Variants in CUX1 observed in about 807,000 individuals in gnomAD.
The protein encoded by CUX1 is protein CASP.
CUX1 carries 31 observed loss-of-function variants against 158.8 expected under a neutral mutation model. That is an observed-to-expected ratio of 0.20 (90% CI 0.15 to 0.26). The LOEUF (loss-of-function observed/expected upper bound fraction) is 0.26, where lower values mean the gene tolerates loss of function less well. Among genes scored for constraint, CUX1 ranks in the 10% least tolerant of loss-of-function variants. The pLI, the probability that CUX1 is intolerant of heterozygous loss-of-function variation, is 1.00. For synonymous variants in CUX1, 879 were observed against 862.1 expected (o/e 1.02, Z -0.34); for missense variants, 1,589 against 2,014.6 (o/e 0.79, Z 4.04).
At chr7:101,957,784 A>G (rs1809952011) in intron 2 of CUX1, among the ~76,000 whole-genome samples, 1 of 152,182 alleles carries the variant, frequency 6.6e-6, no homozygotes, top group African/African-American at 2.4e-5. Context: ...TTTGAAAACA[A>G]TAAGAAAATG....
intron 3 of CUX1, among the ~76,000 whole-genome samples, chr7:102,058,811 C>T (rs1261309338): frequency 6.6e-6 from 1 of 152,156 alleles, no homozygotes; most frequent in Non-Finnish European, 1.5e-5. Flanking sequence ...CGGGATTTAC[C>T]CGAGGGAGGT....
chr7:102,167,542 A>G (rs1215254753), intron 9 of CUX1, among the ~76,000 whole-genome samples: 2 of 152,170 alleles, frequency 1.3e-5, no homozygotes, highest in East Asian at 3.9e-4. Flanking sequence ...TGCCACCAGA[A>G]CAGCTTCTCC....
At chr7:102,080,004 C>T (rs1478597769) in intron 4 of CUX1, among the ~76,000 whole-genome samples, 1 of 152,186 alleles carries the variant, frequency 6.6e-6, no homozygotes, top group Admixed American at 6.5e-5. Flanking sequence ...ACCTGGGGCT[C>T]AATCCGCCTC....
chr7:102,052,805 T>A (rs973399473), intron 3 of CUX1, among the ~76,000 whole-genome samples: 10 of 152,106 alleles, frequency 6.6e-5, no homozygotes, highest in Admixed American at 1.3e-4. Flanking sequence ...TTTCTAACAC[T>A]TAGTATCATC....
At chr7:101,895,101 A>C (rs1203565272) in intron 1 of CUX1, among the ~76,000 whole-genome samples, 1 of 151,902 alleles carries the variant, frequency 6.6e-6, no homozygotes, top group East Asian at 1.9e-4. Flanking sequence ...GCTCACTGCA[A>C]CCTCTGCCTC....
chr7:102,168,212 G>C (rs1331073980), intron 9 of CUX1, among the ~76,000 whole-genome samples: 1 of 152,132 alleles, frequency 6.6e-6, no homozygotes, highest in Non-Finnish European at 1.5e-5. Context: ...ACGAGAGATA[G>C]TGACAGAGGT....
At chr7:102,137,303 A>G (rs1834014081) in intron 8 of CUX1, among the ~76,000 whole-genome samples, 1 of 152,140 alleles carries the variant, frequency 6.6e-6, no homozygotes, top group Admixed American at 6.6e-5. Context: ...GTAGTTTTCT[A>G]TTAGGTCGGT....
intron 21 of CUX1, among the ~76,000 whole-genome samples, chr7:102,233,403 G>C (rs924192395): frequency 4.6e-5 from 7 of 151,992 alleles, no homozygotes; most frequent in African/African-American, 1.7e-4. Flanking sequence ...TGTTGCCCAG[G>C]CTGGTCTCAA....
At chr7:101,900,385 G>A (rs947700190) in intron 1 of CUX1, among the ~76,000 whole-genome samples, 6 of 152,216 alleles carry the variant, frequency 3.9e-5, no homozygotes, top group Admixed American at 1.3e-4. Flanking sequence ...TACGAGTGTC[G>A]TTCTGCGGGG....
At position 102,098,163 on chromosome 7, in the gene CUX1, G is replaced by A. The variant is rs139953532; in HGVS notation, c.406+662G>A. ...GGCTTGAAGGAAAATCACAGCTCCC[G>A]TCTGACAGCAGCAGCAGCAGGCTTT... On this transcript the variant is annotated intron_variant, in intron 5 of 23. Transcript: ENST00000292535. Among the ~76,000 whole-genome samples, 57 of 152,336 alleles carry A rather than the reference G, an allele frequency of 3.7e-4. 1 individual carries two copies. Among genetic ancestry groups the A allele is most frequent in the Admixed American group, 1.2e-3 (18 of 15,298 alleles).
At chr7:101,891,458 A>G (rs989530575) in intron 1 of CUX1, among the ~76,000 whole-genome samples, 2 of 152,170 alleles carry the variant, frequency 1.3e-5, no homozygotes, top group Non-Finnish European at 1.5e-5. Context: ...TCCTGGGCTC[A>G]AGTGATCCTC....
rs770996413 is a variant in CUX1, at chr7:102,031,132, C to T, written c.189+2987C>T. ...GGGATGAAGTGGCACAATCTCAGCTCACCACAACCTCCACCTCCCAGGTTC... is the reference window on the plus strand; with the variant it reads ...GGGATGAAGTGGCACAATCTCAGCTTACCACAACCTCCACCTCCCAGGTTC... On this transcript the variant is annotated intron_variant, in intron 3 of 23. Transcript: ENST00000292535. Among the ~76,000 whole-genome samples, 52 of 152,334 alleles carry T rather than the reference C, an allele frequency of 3.4e-4. 1 individual carries two copies. Among genetic ancestry groups the T allele is most frequent in the Middle Eastern group, 3.4e-3 (1 of 294 alleles).
chr7:102,252,371 C>T lies in CUX1; in HGVS notation c.*3329C>T, dbSNP rs1049818915. On this transcript the variant is annotated 3_prime_UTR_variant, in exon 24 of 24. Coordinates refer to ENST00000292535, the MANE Select transcript of CUX1 (RefSeq NM_181552.4). ...AGCAGGCTGGCATTCCAAGCAGTGG[C>T]CCCCGCAGGCAGCCGACCCCCTTCC... 6 of 985,212 alleles carry T rather than the reference C, an allele frequency of 6.1e-6. No homozygotes were observed. Among genetic ancestry groups the T allele is most frequent in the Non-Finnish European group, 6.0e-6 (5 of 829,952 alleles). 61.0% of individuals were successfully genotyped at this position (985,212 alleles called of 1,614,324 possible).
At chr7:101,969,195 C>T (rs978687847) in intron 2 of CUX1, among the ~76,000 whole-genome samples, 7 of 151,400 alleles carry the variant, frequency 4.6e-5, no homozygotes, top group South Asian at 2.1e-4. Context: ...ATTAGCTGAG[C>T]GTGGTGGCGC....
intron 1 of CUX1, among the ~76,000 whole-genome samples, chr7:101,880,615 G>T (rs923447014): frequency 3.9e-5 from 6 of 152,226 alleles, no homozygotes; most frequent in Admixed American, 1.3e-4. Flanking sequence ...TCAGGTTGAA[G>T]CTGGTAGTGT....
At chr7:102,066,259 C>G (rs1418710883) in intron 3 of CUX1, among the ~76,000 whole-genome samples, 1 of 152,126 alleles carries the variant, frequency 6.6e-6, no homozygotes, top group Non-Finnish European at 1.5e-5. Flanking sequence ...TCCTACCTGT[C>G]TACATGTCTG....
At chr7:102,199,285 G>A (rs1795136581) in intron 16 of CUX1, among the ~76,000 whole-genome samples, 1 of 152,210 alleles carries the variant, frequency 6.6e-6, no homozygotes. Context: ...TGGAACGGAC[G>A]CATCCCACAT....
chr7:102,007,738 G>T (rs1474773637), intron 2 of CUX1, among the ~76,000 whole-genome samples: 2 of 149,316 alleles, frequency 1.3e-5, no homozygotes, highest in South Asian at 2.1e-4. Context: ...TGTTTTTTTT[G>T]TTTTGTTTTG....
intron 4 of CUX1, among the ~76,000 whole-genome samples, chr7:102,084,726 A>G (rs1554479812): frequency 8.5e-6 from 1 of 117,072 alleles, no homozygotes; most frequent in African/African-American, 2.6e-5. Context: ...CCCGGCCACA[A>G]TATATACTTT....
Sources: allele counts gnomAD v4.1 joint callset (sites outside exome capture counted in the v4.1 genomes callset), GRCh38; gene constraint gnomAD v4.1.1; transcripts MANE v1.5; gene names NCBI Gene and HGNC (gene_info 2026-07-23, HGNC 2026-07-21).